The following SLC12A5 variants were observed in gnomAD, a reference collection of about 807,000 sequenced individuals.
The protein encoded by SLC12A5 is K-Cl cotransporter 2.
SLC12A5 carries 18 observed loss-of-function variants against 124.0 expected under a neutral mutation model. The observed-to-expected ratio is 0.15, with a 90% CI of 0.10 to 0.22. The LOEUF (loss-of-function observed/expected upper bound fraction) is 0.22, where lower values mean the gene tolerates loss of function less well. SLC12A5 is among the 10% of genes least tolerant of loss of function. SLC12A5 has a pLI of 1.00. For missense variants in SLC12A5, 867 were observed against 1,478.7 expected (o/e 0.59, Z 6.78); for synonymous variants, 589 against 568.0 (o/e 1.04, Z -0.53).
intron 1 of SLC12A5, chr20:46,022,059 C>T (rs1357383101): frequency 4.4e-6 from 3 of 681,238 alleles, no homozygotes; most frequent in Non-Finnish European, 5.9e-6. Flanking sequence ...GCCGGGGCCG[C>T]GGAACGCAAA....
chr20:46,056,250 G>A lies in SLC12A5; in HGVS notation c.2888G>A (p.Ser963Asn). ...GTCCCAGAAGAGACGGCTGGTGACA[G>A]TGAAGAGAAGCCAGAGGAGGAGGTG... Reference protein sequence around the residue: ...LNVPEETAGDSEEKPEEEVQL... With the variant: ...LNVPEETAGDNEEKPEEEVQL... Residue 963 changes from serine to asparagine, a missense_variant, in exon 22 of 26, where the codon AGT (serine) becomes AAT (asparagine). Ser to Asn is a conservative substitution (Grantham distance 46). Around this residue, in one of 9 missense-constraint regions of SLC12A5, gnomAD observed 180 missense variants for 243.6 expected, o/e 0.74. Transcript: ENST00000243964. The surrounding 1 kb of genome is among the most constrained non-coding windows in gnomAD (Gnocchi z 4.3). The A allele has an allele frequency of 6.2e-7, 1 of 1,614,184 alleles. No individual in the cohort carries two copies. Among genetic ancestry groups the A allele is most frequent in the Non-Finnish European group, 8.5e-7 (1 of 1,180,014 alleles).
At chr20:46,041,801 A>T (rs1340561605) in intron 8 of SLC12A5, among the ~76,000 whole-genome samples, 2 of 152,250 alleles carry the variant, frequency 1.3e-5, no homozygotes, top group African/African-American at 4.8e-5. Flanking sequence ...CATTGTGCTG[A>T]GTGCTAGGAA....
chr20:46,034,599 G>A (rs1015847171), intron 1 of SLC12A5, among the ~76,000 whole-genome samples: 2 of 152,168 alleles, frequency 1.3e-5, no homozygotes, highest in South Asian at 2.1e-4. Flanking sequence ...CTGGAAGGCA[G>A]ACCTTCTCCA....
In SLC12A5 at chr20:46,057,085, C is replaced by T. The variant is rs73622649; in HGVS notation, c.3126-85C>T. On this transcript the variant is annotated intron_variant, in intron 24 of 25. Coordinates refer to ENST00000243964, the MANE Select transcript of SLC12A5 (RefSeq NM_020708.5). This position sits in a 1 kb window ranked among gnomAD's most constrained non-coding sequence, Gnocchi z 7.1. ...GCTTGCAAGAACCAGTCCCCAGCAG[C>T]CCAGTTCGGGCTGGAAGGGCGACTG... The T allele has an allele frequency of 2.3e-5, 37 of 1,600,764 alleles. No homozygotes were observed. The East Asian group carries it at 7.2e-4, about 31-fold the overall frequency.
intron 6 of SLC12A5, 126 bp from the exon 7 acceptor site, chr20:46,040,247 G>A (rs1191433639): frequency 7.3e-7 from 1 of 1,366,606 alleles, no homozygotes; most frequent in Admixed American, 1.9e-5. Context: ...TCCTATTACT[G>A]GATGTCTTTT....
exon 2 of SLC12A5, chr20:46,023,008 GAGGAGGAGGAGA>G (rs1212973954): frequency 2.0e-5 from 8 of 402,398 alleles, no homozygotes; most frequent in South Asian, 1.2e-4. Context: ...GGAGGAAGAG[GAGGAGGAGGAGA>G]AGGAGGAGGA....
In SLC12A5 at chr20:46,053,378, T is replaced by G. The variant is rs2084663031; in HGVS notation, c.2548-200T>G. 6.6e-6 allele frequency among the ~76,000 whole-genome samples: 1 copy of G among 152,230 alleles called. No individual in the cohort carries two copies. Among genetic ancestry groups the G allele is most frequent in the Non-Finnish European group, 1.5e-5 (1 of 68,040 alleles). Reference sequence around the variant, plus strand: ...AGCAATGCTTAGCCCAAGCCAGTGATGCTTTCTTTAATGGGGGACCCTCAG... The same window carrying G: ...AGCAATGCTTAGCCCAAGCCAGTGAGGCTTTCTTTAATGGGGGACCCTCAG... On this transcript the variant is annotated intron_variant, in intron 19 of 25. Coordinates refer to ENST00000243964, the MANE Select transcript of SLC12A5 (RefSeq NM_020708.5). This position sits in a 1 kb window ranked among gnomAD's most constrained non-coding sequence, Gnocchi z 4.7.
intron 1 of SLC12A5, 131 bp downstream of exon 1, chr20:46,029,527 T>A: frequency 1.0e-6 from 1 of 989,562 alleles, no homozygotes; most frequent in Non-Finnish European, 1.5e-6. Context: ...GGGCGCCAGT[T>A]GCAGCCTGGA....
At chr20:46,035,966 C>A in intron 4 of SLC12A5, 43 bp downstream of exon 4, 1 of 1,578,012 alleles carries the variant, frequency 6.3e-7, no homozygotes, top group South Asian at 1.1e-5. Flanking sequence ...ACAGCTGGGG[C>A]TTGGCAGAGG....
At chr20:46,037,216 G>T in intron 5 of SLC12A5, 39 bp from the exon 6 acceptor site, 3 of 1,560,440 alleles carry the variant, frequency 1.9e-6, no homozygotes, top group Non-Finnish European at 2.6e-6. Flanking sequence ...GCAGCCCAGT[G>T]CCCCCGACCC....
At position 46,029,337 on chromosome 20, in the gene SLC12A5, C is replaced by T. The variant is rs1036863376; in HGVS notation, c.-8C>T. 12 of 1,545,336 alleles carry T rather than the reference C, an allele frequency of 7.8e-6. No individual in the cohort carries two copies. The highest frequency in any genetic ancestry group is 4.0e-5 in the Admixed American group (2 of 50,294). On this transcript the variant is annotated 5_prime_UTR_variant, in exon 1 of 26. Transcript: ENST00000243964. The stretch of plus-strand genomic sequence containing the variant: ...AGCCATCCCCGGACCAGGGGCCGCG[C>T]CGCCACCATGCTAAACAACCTGACG...
At chr20:46,041,928 G>A (rs1291462327) in intron 8 of SLC12A5, among the ~76,000 whole-genome samples, 1 of 152,102 alleles carries the variant, frequency 6.6e-6, no homozygotes, top group Non-Finnish European at 1.5e-5. Context: ...AGAATGCCCG[G>A]GGGGGGAGAG....
Position 46,029,247 on chromosome 20 carries a change from G to T in SLC12A5, c.-98G>T. ...CTTCTTCCTCCGTGGAGCGGAGAGC[G>T]AGACAGAGCTACAGCGAACGAGAGA... is the stretch of plus-strand genomic sequence containing the variant. On this transcript the variant is annotated 5_prime_UTR_variant, in exon 1 of 26. Coordinates refer to ENST00000243964, the MANE Select transcript of SLC12A5 (RefSeq NM_020708.5). The T allele has an allele frequency of 1.4e-6, 2 of 1,462,696 alleles. No individual in the cohort carries two copies. Among genetic ancestry groups the T allele is most frequent in the South Asian group, 1.4e-5 (1 of 70,680 alleles). The allele number at this position is 1,462,696 out of a possible 1,614,324, so 90.6% of individuals were successfully genotyped here.
In SLC12A5 at chr20:46,056,339, C is replaced by A; in HGVS notation, c.2911-26C>A. 1 of 1,608,456 alleles carries A rather than the reference C, an allele frequency of 6.2e-7. No homozygotes were observed. The highest frequency in any genetic ancestry group is 1.3e-5 in the African/African-American group (1 of 74,872). On this transcript the variant is annotated intron_variant, in intron 22 of 25. Coordinates refer to ENST00000243964, the MANE Select transcript of SLC12A5 (RefSeq NM_020708.5). This position sits in a 1 kb window ranked among gnomAD's most constrained non-coding sequence, Gnocchi z 4.3. The stretch of plus-strand genomic sequence containing the variant: ...AGCCCTTGGCCTCCAAAGGACTCAA[C>A]TGCCATCGCTTCATTCATCCCTCAG...
chr20:46,036,564 G>A (rs1600591791), intron 4 of SLC12A5, 177 bp from the exon 5 acceptor site: 1 of 571,072 alleles, frequency 1.8e-6, no homozygotes, highest in Non-Finnish European at 3.1e-6. Flanking sequence ...TGGTGAATAA[G>A]GTTTTCTTGA....
chr20:46,036,867 G>A (rs963396325), intron 5 of SLC12A5, 72 bp downstream of exon 5: 1 of 1,564,792 alleles, frequency 6.4e-7, no homozygotes. Flanking sequence ...GGGCTTTGGG[G>A]GACATCAAGG....
At position 46,022,743 on chromosome 20, in the gene SLC12A5, G is replaced by T. The variant is rs1395107687; in HGVS notation, c.49-187G>T. On this transcript the variant is annotated intron_variant, in intron 1 of 2. Coordinates refer to the SLC12A5 transcript ENST00000413737. Reference sequence around the variant, plus strand: ...CGTCTTCCTCGCGGGCCCTGTGCAGGGTCTTGTAATGGAAGTTACACGCAG... The same window carrying T: ...CGTCTTCCTCGCGGGCCCTGTGCAGTGTCTTGTAATGGAAGTTACACGCAG... 7.5e-6 allele frequency: 3 copies of T among 398,196 alleles called. No homozygotes were observed. In the East Asian group the frequency reaches 1.1e-4, roughly 14 times the overall value. The allele number at this position is 398,196 out of a possible 1,614,324, so 24.7% of individuals were successfully genotyped here. A position where few individuals can be genotyped will look rare whatever the true frequency, so the allele number is the denominator to read the frequency against.
chr20:46,053,004 A>G lies in SLC12A5; in HGVS notation c.2425A>G (p.Lys809Glu). Residue 809 changes from lysine to glutamate, a missense_variant, in exon 19 of 26, where the codon AAG becomes GAG. Transcript: ENST00000243964. This position sits in a 1 kb window ranked among gnomAD's most constrained non-coding sequence, Gnocchi z 4.7. ...TGGCCACTTAGCCCTGCTGGTCACC[A>G]AGAACGTTTCCATGTTTCCTGGGAA... is the stretch of plus-strand genomic sequence containing the variant. Reference protein sequence around the residue: ...TAGHLALLVTKNVSMFPGNPE... With the variant: ...TAGHLALLVTENVSMFPGNPE... The G allele has an allele frequency of 6.2e-7, 1 of 1,614,124 alleles. No homozygotes were observed. The highest frequency in any genetic ancestry group is 8.5e-7 in the Non-Finnish European group (1 of 1,179,974).
At chr20:46,051,367 A>C (rs968110028) in intron 17 of SLC12A5, among the ~76,000 whole-genome samples, 5 of 152,062 alleles carry the variant, frequency 3.3e-5, no homozygotes, top group African/African-American at 1.2e-4. Context: ...GTCATGTACA[A>C]CTTGGCAGGG....
Sources: allele counts gnomAD v4.1 joint callset (sites outside exome capture counted in the v4.1 genomes callset), GRCh38; gene constraint gnomAD v4.1.1; regional missense constraint gnomAD v4.1.1; non-coding constraint Gnocchi (gnomAD v3.1); transcripts MANE v1.5; gene names NCBI Gene and HGNC (gene_info 2026-07-23, HGNC 2026-07-21).